Variants in KYNU observed in about 807,000 individuals in gnomAD.
The protein encoded by KYNU is kynureninase.
KYNU carries 54 observed loss-of-function variants against 59.2 expected under a neutral mutation model. The observed-to-expected ratio is 0.91, with a 90% CI of 0.73 to 1.14. KYNU has a LOEUF of 1.14. Ranked by LOEUF, KYNU falls within the 50% of genes most tolerant of loss-of-function variation. The probability of loss-of-function intolerance (pLI) is 0.00; values close to 1 mark genes in which losing one functional copy is unlikely to be tolerated. For missense variants in KYNU, 567 were observed against 554.4 expected (o/e 1.02, Z -0.23); for synonymous variants, 177 against 192.0 (o/e 0.92, Z 0.65).
At chr2:142,981,054 A>T (rs1573866668) in intron 8 of KYNU, among the ~76,000 whole-genome samples, 1 of 152,210 alleles carries the variant, frequency 6.6e-6, no homozygotes, top group East Asian at 1.9e-4. Context: ...TTCTCAATAC[A>T]TTTTATATTT....
In KYNU at chr2:142,960,721, C is replaced by G. The variant is rs1684315065; in HGVS notation, c.680C>G (p.Thr227Ser). 3.1e-6 allele frequency: 5 copies of G among 1,614,002 alleles called. No individual in the cohort carries two copies. The highest frequency in any genetic ancestry group is 4.2e-6 in the Non-Finnish European group (5 of 1,179,960). Residue 227 changes from threonine (T) to serine (S), a missense_variant, in exon 8 of 14, where the codon ACT (threonine) becomes AGT (serine). Physicochemically the swap from Thr to Ser is moderately conservative, Grantham distance 58. Transcript: ENST00000264170. ...VILFSGVHFY[T>S]GQHFNIPAIT... ...CTGTTCAGTGGGGTGCATTTTTACACTGGACAGCACTTTAATATTCCTGCC... is the reference window on the plus strand; with the variant it reads ...CTGTTCAGTGGGGTGCATTTTTACAGTGGACAGCACTTTAATATTCCTGCC...
intron 10 of KYNU, among the ~76,000 whole-genome samples, chr2:143,011,475 C>G (rs1686096133): frequency 7.7e-6 from 1 of 129,746 alleles, no homozygotes; most frequent in Non-Finnish European, 1.6e-5. Flanking sequence ...GGACTGTAAA[C>G]TAGTTCATCC....
intron 2 of KYNU, among the ~76,000 whole-genome samples, chr2:142,912,342 A>C (rs1682505578): frequency 6.7e-6 from 1 of 148,494 alleles, no homozygotes; most frequent in Non-Finnish European, 1.5e-5. Context: ...TAAAGTGTTC[A>C]TAAGAGTCTC....
At chr2:142,946,028 C>G (rs1166939324) in intron 4 of KYNU, among the ~76,000 whole-genome samples, 2 of 151,670 alleles carry the variant, frequency 1.3e-5, no homozygotes, top group Non-Finnish European at 2.9e-5. Context: ...ATAAGCCACC[C>G]CACACCTGGC....
At chr2:142,936,308 A>G (rs1319517498) in intron 4 of KYNU, among the ~76,000 whole-genome samples, 3 of 152,202 alleles carry the variant, frequency 2.0e-5, no homozygotes, top group South Asian at 4.1e-4. Context: ...TTTGAGGGCC[A>G]TTTAGATGCA....
intron 10 of KYNU, among the ~76,000 whole-genome samples, chr2:143,016,499 T>C (rs978432559): frequency 4.6e-5 from 7 of 152,198 alleles, no homozygotes; most frequent in Non-Finnish European, 1.0e-4. Context: ...CAATTCTTAA[T>C]AATTTTCCAA....
chr2:142,968,684 C>T (rs2105118390), intron 8 of KYNU, among the ~76,000 whole-genome samples: 1 of 152,194 alleles, frequency 6.6e-6, no homozygotes, highest in East Asian at 1.9e-4. Context: ...AAGCCTGAAG[C>T]AAGTGGATTG....
chr2:142,954,741 CCTA>C (rs1283705791), intron 4 of KYNU, 66 bp from the exon 5 acceptor site: 1 of 971,536 alleles, frequency 1.0e-6, no homozygotes, highest in Non-Finnish European at 1.7e-6. Flanking sequence ...GTGAAGTCTT[CCTA>C]CTTTGTTTTT....
intron 10 of KYNU, among the ~76,000 whole-genome samples, chr2:143,012,127 G>T (rs1390413402): frequency 6.6e-6 from 1 of 151,722 alleles, no homozygotes; most frequent in Non-Finnish European, 1.5e-5. Flanking sequence ...CAAGTTGGAG[G>T]TTCTCCAAAA....
intron 10 of KYNU, among the ~76,000 whole-genome samples, chr2:143,027,565 T>C (rs536937468): frequency 6.6e-6 from 1 of 152,324 alleles, no homozygotes; most frequent in South Asian, 2.1e-4. Context: ...ATTGTCCTTT[T>C]TCTATGTAAA....
chr2:142,992,044 A>G (rs1343887430), intron 10 of KYNU, among the ~76,000 whole-genome samples: 1 of 151,942 alleles, frequency 6.6e-6, no homozygotes, highest in African/African-American at 2.4e-5. Context: ...TGCTGATTAT[A>G]TAATATCATA....
chr2:143,034,002 A>G (rs1450130176), intron 12 of KYNU, among the ~76,000 whole-genome samples: 1 of 151,968 alleles, frequency 6.6e-6, no homozygotes, highest in Admixed American at 6.6e-5. Context: ...ATTTAGGTAA[A>G]TTTAGTCTCA....
Position 143,040,635 on chromosome 2 carries a change from G to T in KYNU, c.1249G>T (p.Glu417Ter). 1 of 1,602,546 alleles carries T rather than the reference G, an allele frequency of 6.2e-7. No individual in the cohort carries two copies. The highest frequency in any genetic ancestry group is 1.7e-5 in the Admixed American group (1 of 57,864). ...FSVPNKDVFQ[E>*]LEKRGVVCDK... ...TGTTCCAAACAAAGATGTTTTCCAA[G>T]AACTAGAAAAAAGAGGAGTGGTTGT... Residue 417 changes from glutamate (E) to a stop codon, truncating the protein, a stop_gained, in exon 13 of 14, where the codon GAA becomes TAA. Coordinates refer to ENST00000264170, the MANE Select transcript of KYNU (RefSeq NM_003937.3). LOFTEE classifies it high-confidence loss of function.
chr2:142,963,645 C>CAT (rs1684426981), intron 8 of KYNU, among the ~76,000 whole-genome samples: 1 of 152,210 alleles, frequency 6.6e-6, no homozygotes, highest in South Asian at 2.1e-4. Flanking sequence ...AAGGTTGTGA[C>CAT]ATATAAAATT....
intron 4 of KYNU, among the ~76,000 whole-genome samples, chr2:142,944,177 C>T (rs1469683820): frequency 6.6e-6 from 1 of 152,188 alleles, no homozygotes; most frequent in Non-Finnish European, 1.5e-5. Context: ...TCTCTTTGCA[C>T]ATCAGTTTCC....
At chr2:142,913,147 G>A (rs1272874740) in intron 2 of KYNU, among the ~76,000 whole-genome samples, 1 of 152,166 alleles carries the variant, frequency 6.6e-6, no homozygotes, top group Non-Finnish European at 1.5e-5. Context: ...TAAAGAAACA[G>A]CTTTTGGTTT....
chr2:142,917,466 A>T (rs368415745), intron 2 of KYNU, among the ~76,000 whole-genome samples: 15 of 53,098 alleles, frequency 2.8e-4, no homozygotes, highest in African/African-American at 6.6e-5. Context: ...ACCTTTTATT[A>T]AAAAAAAAAA....
At chr2:142,965,048 C>T (rs986390329) in intron 8 of KYNU, among the ~76,000 whole-genome samples, 1 of 152,142 alleles carries the variant, frequency 6.6e-6, no homozygotes, top group Non-Finnish European at 1.5e-5. Context: ...TCTGATTGTC[C>T]CCTGCATTGT....
At chr2:143,029,478 T>G (rs1686675964) in intron 10 of KYNU, 149 bp from the exon 11 acceptor site, 1 of 649,190 alleles carries the variant, frequency 1.5e-6, no homozygotes, top group Admixed American at 2.3e-5. Flanking sequence ...CTCAGCTACT[T>G]GAGAGGCTAA....
Sources: gnomAD v4.1 joint callset for allele counts (sites outside exome capture counted in the v4.1 genomes callset) on GRCh38, gnomAD v4.1.1 for gene constraint, MANE v1.5 for transcripts, NCBI Gene and HGNC (gene_info 2026-07-23, HGNC 2026-07-21) for gene names.